RIN1: variants seen among roughly 807,000 people sequenced by gnomAD.
The protein encoded by RIN1 is Ras and Rab interactor 1, also known as ras inhibitor 1.
A neutral mutation model predicts 64.9 loss-of-function variants in RIN1; 52 were observed. The ratio of observed to expected loss-of-function variants is 0.80; its 90% CI spans 0.64 to 1.01. RIN1 has a LOEUF of 1.01. Among genes scored for constraint, RIN1 ranks in the 50% least tolerant of loss-of-function variants. RIN1 has a pLI of 0.00. For synonymous variants in RIN1, 486 were observed against 483.6 expected (o/e 1.00, Z -0.06); for missense variants, 1,040 against 1,064.5 (o/e 0.98, Z 0.32).
rs751326645 is a variant in RIN1, at chr11:66,335,576, C to T, written c.455+34G>A. 8.7e-6 allele frequency: 14 copies of T among 1,612,126 alleles called. No homozygotes were observed. In the East Asian group the frequency reaches 2.5e-4, roughly 28 times the overall value. ...GATGGGCTGTCCCAAGGAGCAGGGC[C>T]CGTGGACACCAGGCACCCTGCGGGC... On this transcript the variant is annotated intron_variant, in intron 4 of 9. Coordinates refer to ENST00000311320, the MANE Select transcript of RIN1 (RefSeq NM_004292.3).
rs999029283 is a variant in RIN1 at position 66,336,072 on chromosome 11, A to G, written c.173T>C (p.Leu58Pro). 1.4e-5 allele frequency: 21 copies of G among 1,462,014 alleles called. No individual in the cohort carries two copies. The highest frequency in any genetic ancestry group is 1.7e-5 in the Non-Finnish European group (19 of 1,108,164). 90.6% of individuals were successfully genotyped at this position (1,462,014 alleles called of 1,614,324 possible). The change falls in exon 2 of 10, where the codon CTG (leucine) becomes CCG (proline). Residue 58 changes from leucine to proline, a missense_variant. By Grantham distance (98) the Leu-to-Pro change is moderately conservative. Coordinates refer to ENST00000311320, the MANE Select transcript of RIN1 (RefSeq NM_004292.3). The stretch of plus-strand genomic sequence containing the variant: ...CCGGGTGAGCAGCAGGCGCTCCCGC[A>G]GGCTCACAACGCGCCCCGGCCGCTG... ...GPQRPGRVVSLRERLLLTRPV... is the reference protein window; with the variant it reads ...GPQRPGRVVSPRERLLLTRPV...
chr11:66,334,428 G>C, intron 6 of RIN1, 86 bp downstream of exon 6: 1 of 1,511,348 alleles, frequency 6.6e-7, no homozygotes, highest in Non-Finnish European at 9.0e-7. Context: ...TAAAGCAGCA[G>C]AACAGAATCA....
Position 66,332,588 on chromosome 11 carries a change from G to A in RIN1, c.2040C>T (p.Gly680=), listed in dbSNP as rs1356674005. 10 of 1,610,362 alleles carry A rather than the reference G, an allele frequency of 6.2e-6. No individual in the cohort carries two copies. The highest frequency in any genetic ancestry group is 5.9e-6 in the Non-Finnish European group (7 of 1,177,776). Residue 680 remains glycine (G), a synonymous_variant, in exon 10 of 10, where the codon GGC becomes GGT. Coordinates refer to ENST00000311320, the MANE Select transcript of RIN1 (RefSeq NM_004292.3). ...TFGLFLYKEQ[G]YHRLPPGALA... ...GGGCCCCAGGGGGCAGGCGGTGGTA[G>A]CCCTGCTCCTTGTACAGGAAGAGGC... is the stretch of plus-strand genomic sequence containing the variant.
chr11:66,334,128 G>A lies in RIN1; in HGVS notation c.1382C>T (p.Ser461Phe), dbSNP rs1161419993. ...GAGGCCCTCAGCTAGGCGGCCCAGG[G>A]AGCCGTCTGCGGCAAGCCGGCGCCG... ...RLRRRLAADG[S>F]LGRLAEGLRL... Residue 461 changes from serine (S) to phenylalanine (F), a missense_variant, in exon 7 of 10, where the codon TCC becomes TTC. By Grantham distance (155) the Ser-to-Phe change is radical. Transcript: ENST00000311320. The A allele has an allele frequency of 6.5e-7, 1 of 1,550,182 alleles. No individual in the cohort carries two copies. Among genetic ancestry groups the A allele is most frequent in the Non-Finnish European group, 8.7e-7 (1 of 1,148,566 alleles).
At position 66,333,390 on chromosome 11, in the gene RIN1, G is replaced by C; in HGVS notation, c.1743C>G (p.Ser581Arg). Residue 581 changes from serine (S) to arginine (R), a missense_variant, in exon 9 of 10, where the codon AGC (serine) becomes AGG (arginine). Transcript: ENST00000311320. ...LTGEGGYYLT[S>R]LSASLALLSG... is the part of the protein sequence containing the mutation. ...TCAGCAGGGCCAGGCTGGCAGAGAG[G>C]CTGGTCAGGTAGTAGCCACCTGGGA... The C allele has an allele frequency of 6.2e-7, 1 of 1,610,342 alleles. No homozygotes were observed. The highest frequency in any genetic ancestry group is 8.5e-7 in the Non-Finnish European group (1 of 1,177,936).
rs774670643 is a variant in RIN1 at position 66,335,053 on chromosome 11, A to G, written c.746T>C (p.Val249Ala). ...CAGGGGGCTGGAGGTCTCTGTGGAC[A>G]CGCGCACTTTGAAGCTTCTCTTGAA... ...EKFKRSFKVR[V>A]STETSSPLSP... The change falls in exon 6 of 10, where the codon GTG becomes GCG. Residue 249 changes from valine to alanine, a missense_variant. By Grantham distance (64) the Val-to-Ala change is moderately conservative. Transcript: ENST00000311320. The G allele has an allele frequency of 7.2e-6, 11 of 1,529,872 alleles. No homozygotes were observed. The Admixed American group carries it at 2.4e-4, about 34-fold the overall frequency. The allele number at this position is 1,529,872 out of a possible 1,614,324, so 94.8% of individuals were successfully genotyped here.
chr11:66,335,867 C>T lies in RIN1; in HGVS notation c.277G>A (p.Val93Met), dbSNP rs766478068. The change falls in exon 3 of 10, where the codon GTG (valine) becomes ATG (methionine). Residue 93 changes from valine (V) to methionine (M), a missense_variant. By Grantham distance (21) the Val-to-Met change is conservative (BLOSUM62 1). Transcript: ENST00000311320. ...LRTEPPGTFL[V>M]RKSNTRQCQA... is the part of the protein sequence containing the mutation. ...CACTGGCGGGTGTTAGATTTCCGCA[C>T]GAGGAACGTCTGCAAGTGGATAGGG... 6 of 1,569,332 alleles carry T rather than the reference C, an allele frequency of 3.8e-6. No homozygotes were observed. The highest frequency in any genetic ancestry group is 1.2e-5 in the South Asian group (1 of 83,550).
In RIN1 at chr11:66,332,749, G is replaced by A; in HGVS notation, c.1879C>T (p.Leu627Phe). ...RLPATHCFQH[L>F]LRVAYQDPSS... ...GGATCCTGATAGGCTACTCGGAGGAGGTGCTATGCAGGAGGAGAAGCAAAA... is the reference window on the plus strand; with the variant it reads ...GGATCCTGATAGGCTACTCGGAGGAAGTGCTATGCAGGAGGAGAAGCAAAA... The change falls in exon 10 of 10, where the codon CTC becomes TTC. Residue 627 changes from leucine (L) to phenylalanine (F), a missense_variant. Physicochemically the swap from Leu to Phe is conservative, Grantham distance 22 (BLOSUM62 0). Transcript: ENST00000311320. The A allele has an allele frequency of 6.6e-7, 1 of 1,512,958 alleles. No homozygotes were observed. The highest frequency in any genetic ancestry group is 1.3e-5 in the South Asian group (1 of 74,222). The allele number at this position is 1,512,958 out of a possible 1,614,324, so 93.7% of individuals were successfully genotyped here.
chr11:66,334,821 C>T lies in RIN1; in HGVS notation c.978G>A (p.Gly326=). 1.3e-6 allele frequency: 2 copies of T among 1,546,622 alleles called. No individual in the cohort carries two copies. Among genetic ancestry groups the T allele is most frequent in the Non-Finnish European group, 1.7e-6 (2 of 1,144,156 alleles). ...CTGGGCTCCCCCGGGACCCTGGCAC[C>T]CCCTCCTCCTCGGAGCTGCTGGGGG... ...CGSPSSSEEE[G]VPGSRGSPAT... Residue 326 remains glycine (G), a synonymous_variant, in exon 6 of 10, where the codon GGG becomes GGA. Transcript: ENST00000311320.
At position 66,334,006 on chromosome 11, in the gene RIN1, G is replaced by C. The variant is rs777535128; in HGVS notation, c.1504C>G (p.Leu502Val). ...LEQVRQKLLQLLRTYSPSAQV... is the reference protein window; with the variant it reads ...LEQVRQKLLQVLRTYSPSAQV... ...GCGCTGGGTGAGTAGGTGCGGAGCA[G>C]CTGCAGCAGCTTCTGGCGCACTTGC... Residue 502 changes from leucine to valine, a missense_variant, in exon 7 of 10, where the codon CTG (leucine) becomes GTG (valine). Physicochemically the swap from Leu to Val is conservative, Grantham distance 32 (BLOSUM62 1). Transcript: ENST00000311320. 8.9e-6 allele frequency: 14 copies of C among 1,567,578 alleles called. No individual in the cohort carries two copies. In the East Asian group the frequency reaches 3.2e-4, roughly 36 times the overall value.
At position 66,332,408 on chromosome 11, in the gene RIN1, C is replaced by T. The variant is rs778731011; in HGVS notation, c.2220G>A (p.Gly740=). 2.5e-6 allele frequency: 4 copies of T among 1,614,140 alleles called. No homozygotes were observed. Among genetic ancestry groups the T allele is most frequent in the Admixed American group, 1.7e-5 (1 of 60,010 alleles). The part of the protein sequence containing the change: ...EQGCQGDGDA[G]VKASPRDIRE... Reference sequence around the variant, plus strand: ...GAATGTCCCTGGGGCTGGCTTTGACCCCAGCATCCCCATCTCCCTGGCACC... The same window carrying T: ...GAATGTCCCTGGGGCTGGCTTTGACTCCAGCATCCCCATCTCCCTGGCACC... The change falls in exon 10 of 10, where the codon GGG becomes GGA. Residue 740 remains glycine (G), a synonymous_variant. Coordinates refer to ENST00000311320, the MANE Select transcript of RIN1 (RefSeq NM_004292.3).
At position 66,330,880 on chromosome 11, in the gene RIN1, G is replaced by A. The variant is rs996793887; in HGVS notation, c.*1396C>T. The stretch of plus-strand genomic sequence containing the variant: ...CCTCTGTGCTCAGTGCCCGAGGAGA[G>A]AGCCTCTGGGGTCATCCTCCATAAG... On this transcript the variant is annotated 3_prime_UTR_variant, in exon 10 of 10. Coordinates refer to ENST00000311320, the MANE Select transcript of RIN1 (RefSeq NM_004292.3). The A allele has an allele frequency of 6.6e-6, 1 of 152,328 alleles. No homozygotes were observed. The highest frequency in any genetic ancestry group is 6.5e-5 in the Admixed American group (1 of 15,292). The allele number at this position is 152,328 out of a possible 1,614,324, so 9.4% of individuals were successfully genotyped here. A position where few individuals can be genotyped will look rare whatever the true frequency, so the allele number is the denominator to read the frequency against.
In RIN1 at chr11:66,332,353, C is replaced by T. The variant is rs1160021307; in HGVS notation, c.2275G>A (p.Gly759Ser). ...GGGCCTTCCTGGGCTTGACCCTGGCCCCCTTCAGCAGTTGTCTCAGACTGT... is the reference window on the plus strand; with the variant it reads ...GGGCCTTCCTGGGCTTGACCCTGGCTCCCTTCAGCAGTTGTCTCAGACTGT... ...REQSETTAEG[G>S]QGQAQEGPAQ... The change falls in exon 10 of 10, where the codon GGC becomes AGC. Residue 759 changes from glycine to serine, a missense_variant. Coordinates refer to ENST00000311320, the MANE Select transcript of RIN1 (RefSeq NM_004292.3). The T allele has an allele frequency of 6.2e-7, 1 of 1,614,164 alleles. No individual in the cohort carries two copies.
In RIN1 at chr11:66,335,598, G is replaced by A. The variant is rs748872712; in HGVS notation, c.455+12C>T. On this transcript the variant is annotated intron_variant, in intron 4 of 9. Transcript: ENST00000311320. ...GGCCCGTGGACACCAGGCACCCTGC[G>A]GGCAGACTCACCGGGTGTGGCAGTA... 22 of 1,613,372 alleles carry A rather than the reference G, an allele frequency of 1.4e-5. 1 individual carries two copies. Among genetic ancestry groups the A allele is most frequent in the South Asian group, 1.3e-4 (12 of 90,948 alleles).
chr11:66,336,149 CTGGG>C lies in RIN1; in HGVS notation c.92_95del (p.Ala31GlyfsTer25). On this transcript the variant is annotated frameshift_variant, in exon 2 of 10. Coordinates refer to ENST00000311320, the MANE Select transcript of RIN1 (RefSeq NM_004292.3). LOFTEE classifies it high-confidence loss of function. ...CATTGGGCACGTCATACAGTGGGTC[CTGGG>C]CTGGCCTGGGGGCAGGCACCCAGAT... The C allele has an allele frequency of 6.9e-7, 1 of 1,451,074 alleles. No individual in the cohort carries two copies. The highest frequency in any genetic ancestry group is 9.1e-7 in the Non-Finnish European group (1 of 1,102,750). 89.9% of individuals were successfully genotyped at this position (1,451,074 alleles called of 1,614,324 possible). A position where few individuals can be genotyped will look rare whatever the true frequency, so the allele number is the denominator to read the frequency against.
chr11:66,336,505 C>T (rs1173052371), upstream of RIN1: 20 of 952,458 alleles, frequency 2.1e-5, no homozygotes, highest in African/African-American at 3.3e-5. Context: ...CTGTCACACC[C>T]GCCAGTTAAC....
At chr11:66,336,248 A>C in intron 1 of RIN1, 69 bp downstream of exon 1, 2 of 1,519,422 alleles carry the variant, frequency 1.3e-6, no homozygotes, top group Non-Finnish European at 8.9e-7. Flanking sequence ...CACTTTCTCT[A>C]TCCCCGGATA....
Position 66,334,895 on chromosome 11 carries a change from C to A in RIN1, c.904G>T (p.Gly302Cys). ...SVGYRVPAGS[G>C]PSLPPMPSLQ... The stretch of plus-strand genomic sequence containing the variant: ...GAGGGCATAGGCGGAAGGCTAGGGC[C>A]ACTGCCTGCTGGCACGCGGTACCCC... Residue 302 changes from glycine (G) to cysteine (C), a missense_variant, in exon 6 of 10, where the codon GGC becomes TGC. Coordinates refer to ENST00000311320, the MANE Select transcript of RIN1 (RefSeq NM_004292.3). The A allele has an allele frequency of 6.3e-7, 1 of 1,576,604 alleles. No individual in the cohort carries two copies. Among genetic ancestry groups the A allele is most frequent in the East Asian group, 2.3e-5 (1 of 43,364 alleles).
At chr11:66,333,769 T>C in intron 7 of RIN1, 111 bp from the exon 8 acceptor site, 1 of 1,453,046 alleles carries the variant, frequency 6.9e-7, no homozygotes, top group Non-Finnish European at 9.2e-7. Flanking sequence ...GATGCGCTCC[T>C]CTCTAGGCCT....
Sources: allele counts gnomAD v4.1 joint callset, GRCh38; gene constraint gnomAD v4.1.1; transcripts MANE v1.5; gene names NCBI Gene and HGNC (gene_info 2026-07-23, HGNC 2026-07-21).